Variants in KLF8 observed in about 807,000 individuals in gnomAD.
The protein encoded by KLF8 is KLF transcription factor 8, also known as Krueppel-like factor 8.
KLF8 carries 10 observed loss-of-function variants against 18.2 expected under a neutral mutation model. The ratio of observed to expected loss-of-function variants is 0.55; its 90% CI spans 0.34 to 0.93. The LOEUF (loss-of-function observed/expected upper bound fraction) is 0.93, where lower values mean the gene tolerates loss of function less well. Among genes scored for constraint, KLF8 ranks in the 40% least tolerant of loss-of-function variants. The probability of loss-of-function intolerance (pLI) is 0.02; values close to 1 mark genes in which losing one functional copy is unlikely to be tolerated. For missense variants in KLF8, 264 were observed against 277.9 expected, an observed-to-expected ratio of 0.95 and a Z score of 0.36; for synonymous variants, 109 against 97.3, an observed-to-expected ratio of 1.12 and a Z score of -0.71.
the KLF8 span, among the ~76,000 whole-genome samples, chrX:56,033,516 C>A: frequency 9.0e-6 from 1 of 111,380 alleles, no homozygotes; most frequent in Non-Finnish European, 1.9e-5. Context: ...AATTTTAAAT[C>A]CTTTTGATAT....
the KLF8 span, among the ~76,000 whole-genome samples, chrX:56,197,308 G>GT: frequency 5.4e-5 from 6 of 110,897 alleles, no homozygotes; most frequent in Admixed American, 3.8e-4. Context: ...CCAGGAGCTG[G>GT]TTTTTTGAAA....
At chrX:56,022,274 T>A in the KLF8 span, among the ~76,000 whole-genome samples, 1 of 110,501 alleles carries the variant, frequency 9.0e-6, no homozygotes, top group Admixed American at 9.6e-5. Flanking sequence ...AGGCCAGGCA[T>A]GGTGGCTCAT....
chrX:55,935,304 C>T, the KLF8 span, among the ~76,000 whole-genome samples: 1 of 111,644 alleles, frequency 9.0e-6, no homozygotes, highest in Admixed American at 9.5e-5. Flanking sequence ...CTCTTTAAGG[C>T]CTTCCTGCTC....
intron 5 of KLF8, among the ~76,000 whole-genome samples, chrX:56,274,321 G>A (rs2067094620): frequency 8.9e-6 from 1 of 112,084 alleles, no homozygotes; most frequent in Non-Finnish European, 1.9e-5. Context: ...TTTGATAAAT[G>A]TCTTTTCAGC....
At chrX:56,166,761 A>G in the KLF8 span, among the ~76,000 whole-genome samples, 1 of 111,892 alleles carries the variant, frequency 8.9e-6, no homozygotes, top group Non-Finnish European at 1.9e-5. Context: ...TTAACTGCCC[A>G]GCTAATAACA....
chrX:56,133,922 C>CAAA, the KLF8 span, among the ~76,000 whole-genome samples: 11 of 99,142 alleles, frequency 1.1e-4, no homozygotes, highest in African/African-American at 3.3e-4. Flanking sequence ...ACAATATCTG[C>CAAA]AAAAAAAAAA....
the KLF8 span, among the ~76,000 whole-genome samples, chrX:56,058,412 C>A: frequency 4.1e-5 from 4 of 96,762 alleles, no homozygotes; most frequent in Admixed American, 1.2e-4. Flanking sequence ...CATAGGTATA[C>A]ACATGCCATG....
At chrX:56,046,707 C>A in the KLF8 span, among the ~76,000 whole-genome samples, 2 of 111,206 alleles carry the variant, frequency 1.8e-5, no homozygotes, top group South Asian at 3.7e-4. Flanking sequence ...AACATAGGAC[C>A]TCGATCTCTT....
At chrX:56,095,239 T>G in the KLF8 span, among the ~76,000 whole-genome samples, 1 of 112,144 alleles carries the variant, frequency 8.9e-6, no homozygotes, top group Non-Finnish European at 1.9e-5. Context: ...CCCTATTCAA[T>G]AAATGGTACT....
chrX:56,157,382 A>G, the KLF8 span, among the ~76,000 whole-genome samples: 1 of 110,248 alleles, frequency 9.1e-6, no homozygotes. Context: ...CTTAAAGTAC[A>G]ATAAAAATAA....
In KLF8 at chrX:56,253,764, C is replaced by CTTTTTCTT. The variant is rs1445253255; in HGVS notation, c.81+3465_81+3466insCTTTTTTT. Among the ~76,000 whole-genome samples the CTTTTTCTT allele has an allele frequency of 6.2e-4, 37 of 60,109 alleles. 1 individual carries two copies. The highest frequency in any genetic ancestry group is 1.9e-3 in the South Asian group (2 of 1,067). 52.2% of individuals were successfully genotyped at this position (60,109 alleles called of 115,157 possible). On this transcript the variant is annotated intron_variant, in intron 2 of 5. Transcript: ENST00000468660. ...GTACATAATGTCTTTTTTTCTTTTT[C>CTTTTTCTT]TTTTTTTTTTTTTTGAGATGTTGTC... is the stretch of plus-strand genomic sequence containing the variant.
At chrX:56,177,130 T>C in the KLF8 span, among the ~76,000 whole-genome samples, 3 of 112,051 alleles carry the variant, frequency 2.7e-5, no homozygotes, top group Non-Finnish European at 5.6e-5. Flanking sequence ...TCCAGCTTTG[T>C]TCCATTTCTG....
the KLF8 span, among the ~76,000 whole-genome samples, chrX:56,161,545 T>G: frequency 8.9e-6 from 1 of 112,251 alleles, no homozygotes; most frequent in East Asian, 2.8e-4. Flanking sequence ...TACCCTTTCT[T>G]CCAGTTGATC....
the KLF8 span, among the ~76,000 whole-genome samples, chrX:56,051,408 G>A: frequency 1.4e-4 from 15 of 110,564 alleles, no homozygotes; most frequent in African/African-American, 3.0e-4. Flanking sequence ...GGCTGGTGCC[G>A]GTTGTTCCTT....
chrX:56,214,783 C>G, the KLF8 span, among the ~76,000 whole-genome samples: 198 of 111,988 alleles, frequency 1.8e-3, 3 homozygotes, highest in East Asian at 0.051. Flanking sequence ...GGGAAAAGAC[C>G]AAAACACAGA....
At chrX:56,053,544 G>GTTTTGTT in the KLF8 span, among the ~76,000 whole-genome samples, 1 of 68,742 alleles carries the variant, frequency 1.5e-5, no homozygotes, top group Non-Finnish European at 2.4e-5. Flanking sequence ...TCTTTTCTTT[G>GTTTTGTT]TTTTTTTTTT....
At chrX:56,208,988 G>A in the KLF8 span, among the ~76,000 whole-genome samples, 1 of 111,976 alleles carries the variant, frequency 8.9e-6, no homozygotes, top group Non-Finnish European at 1.9e-5. Flanking sequence ...GTGGTCTACA[G>A]TGCAGATTAA....
chrX:56,079,157 A>G, the KLF8 span, among the ~76,000 whole-genome samples: 2 of 110,220 alleles, frequency 1.8e-5, no homozygotes, highest in African/African-American at 6.6e-5. Flanking sequence ...TTCTGCTCTG[A>G]TTTTAGTTAT....
At chrX:56,072,076 T>TTTG in the KLF8 span, among the ~76,000 whole-genome samples, 4 of 111,727 alleles carry the variant, frequency 3.6e-5, no homozygotes, top group African/African-American at 9.7e-5. Flanking sequence ...TTTGGACAGT[T>TTTG]ACATTATTAC....
Sources: allele counts gnomAD v4.1 joint callset (sites outside exome capture counted in the v4.1 genomes callset), GRCh38; gene constraint gnomAD v4.1.1; transcripts MANE v1.5; gene names NCBI Gene and HGNC (gene_info 2026-07-23, HGNC 2026-07-21).